Variants in HHLA2 observed in about 807,000 individuals in gnomAD.
The protein encoded by HHLA2 is HERV-H LTR-associating protein 2.
A neutral mutation model predicts 45.9 loss-of-function variants in HHLA2; 48 were observed. That is an observed-to-expected ratio of 1.05 (90% CI 0.83 to 1.33). HHLA2 has a LOEUF of 1.33. Ranked by LOEUF, HHLA2 falls within the 40% of genes most tolerant of loss-of-function variation. The probability of loss-of-function intolerance (pLI) is 0.00; values close to 1 mark genes in which losing one functional copy is unlikely to be tolerated. For missense variants in HHLA2, 462 were observed against 494.3 expected, an observed-to-expected ratio of 0.93 and a Z score of 0.62; for synonymous variants, 161 against 173.9, an observed-to-expected ratio of 0.93 and a Z score of 0.59.
chr3:108,377,440 A>G (rs1367275155), exon 11 of HHLA2: 4 of 607,396 alleles, frequency 6.6e-6, no homozygotes, highest in Non-Finnish European at 1.2e-5. Flanking sequence ...TTTATTTTTC[A>G]AGACATACTT....
intron 2 of HHLA2, among the ~76,000 whole-genome samples, chr3:108,321,877 C>T (rs1012944504): frequency 6.6e-6 from 1 of 152,086 alleles, no homozygotes; most frequent in African/African-American, 2.4e-5. Context: ...CTGTTAATGA[C>T]TTCTGCTCTT....
At chr3:108,326,430 T>A (rs1365807934) in intron 2 of HHLA2, among the ~76,000 whole-genome samples, 1 of 152,074 alleles carries the variant, frequency 6.6e-6, no homozygotes, top group African/African-American at 2.4e-5. Flanking sequence ...TACAAAACCA[T>A]CAGATCTCCT....
At chr3:108,366,105 G>C (rs1362447801) in intron 8 of HHLA2, among the ~76,000 whole-genome samples, 1 of 152,164 alleles carries the variant, frequency 6.6e-6, no homozygotes, top group East Asian at 1.9e-4. Context: ...GTATGATATT[G>C]GCTATGGGTT....
intron 1 of HHLA2, among the ~76,000 whole-genome samples, chr3:108,299,043 C>T (rs1576082237): frequency 6.6e-6 from 1 of 152,194 alleles, no homozygotes; most frequent in East Asian, 1.9e-4. Context: ...TCACCAAGAA[C>T]ACCTTCTGAA....
chr3:108,328,706 T>C (rs1576124960), intron 3 of HHLA2, among the ~76,000 whole-genome samples: 1 of 152,178 alleles, frequency 6.6e-6, no homozygotes. Flanking sequence ...TTTTACTTTG[T>C]CTTATGACTA....
At chr3:108,362,665 C>T (rs939083543) in intron 8 of HHLA2, among the ~76,000 whole-genome samples, 86 of 152,294 alleles carry the variant, frequency 5.6e-4, no homozygotes, top group African/African-American at 2.0e-3. Flanking sequence ...AGCAGAGGTA[C>T]ACCAAACTAT....
intron 3 of HHLA2, among the ~76,000 whole-genome samples, chr3:108,350,712 T>C (rs1377737463): frequency 1.3e-5 from 2 of 152,066 alleles, no homozygotes; most frequent in African/African-American, 4.8e-5. Context: ...TGAGACAGAG[T>C]CTCACTGTCT....
At chr3:108,350,908 C>T (rs1000223071) in intron 3 of HHLA2, among the ~76,000 whole-genome samples, 3 of 151,836 alleles carry the variant, frequency 2.0e-5, no homozygotes, top group African/African-American at 7.3e-5. Context: ...TGGTCTTGAA[C>T]TCCTGACCTC....
chr3:108,374,674 T>C (rs2082241041), intron 8 of HHLA2, among the ~76,000 whole-genome samples: 1 of 150,256 alleles, frequency 6.7e-6, no homozygotes, highest in Admixed American at 6.6e-5. Flanking sequence ...GCAAAGGATA[T>C]GAACAGACAC....
intron 3 of HHLA2, among the ~76,000 whole-genome samples, chr3:108,336,180 A>G (rs1221535643): frequency 6.6e-6 from 1 of 152,168 alleles, no homozygotes; most frequent in Non-Finnish European, 1.5e-5. Flanking sequence ...TCACTGTTTT[A>G]TGTTCCCTAT....
chr3:108,338,849 A>G (rs553340085), intron 3 of HHLA2, among the ~76,000 whole-genome samples: 1 of 152,300 alleles, frequency 6.6e-6, no homozygotes, highest in African/African-American at 2.4e-5. Flanking sequence ...GTTGTCCTGG[A>G]GGCAGGATTT....
chr3:108,359,183 A>G (rs1274676837), intron 7 of HHLA2, among the ~76,000 whole-genome samples: 1 of 152,176 alleles, frequency 6.6e-6, no homozygotes, highest in East Asian at 1.9e-4. Context: ...GGAGTGTAAA[A>G]AAAAAAATAG....
intron 2 of HHLA2, among the ~76,000 whole-genome samples, chr3:108,313,822 C>T (rs533659934): frequency 3.3e-5 from 5 of 152,168 alleles, no homozygotes; most frequent in Non-Finnish European, 7.3e-5. Context: ...TGACCTTGGG[C>T]AAGTCAGTCC....
intron 8 of HHLA2, among the ~76,000 whole-genome samples, chr3:108,364,079 A>G (rs2082024611): frequency 6.6e-6 from 1 of 151,962 alleles, no homozygotes; most frequent in South Asian, 2.1e-4. Flanking sequence ...GCACCTATCA[A>G]CCTGTCATCT....
At chr3:108,323,355 A>G (rs1465112877) in intron 2 of HHLA2, among the ~76,000 whole-genome samples, 1 of 152,174 alleles carries the variant, frequency 6.6e-6, no homozygotes, top group Non-Finnish European at 1.5e-5. Flanking sequence ...TTTCACATGC[A>G]TGCCTGTATC....
At position 108,299,762 on chromosome 3, in the gene HHLA2, C is replaced by T. The variant is rs139546235; in HGVS notation, c.-192+3163C>T. ...CATAAAGGTACAAATTATACTCTAACTCAACCTTATATGCCCTATCCAGCT... is the reference window on the plus strand; with the variant it reads ...CATAAAGGTACAAATTATACTCTAATTCAACCTTATATGCCCTATCCAGCT... On this transcript the variant is annotated intron_variant, in intron 1 of 10. Coordinates refer to ENST00000619531, the Ensembl canonical transcript of HHLA2. Among the ~76,000 whole-genome samples, 257 of 152,272 alleles carry T rather than the reference C, an allele frequency of 1.7e-3. 1 individual carries two copies. Among genetic ancestry groups the T allele is most frequent in the Middle Eastern group, 3.4e-3 (1 of 294 alleles).
At chr3:108,366,932 G>A (rs751865273) in intron 8 of HHLA2, among the ~76,000 whole-genome samples, 14 of 151,840 alleles carry the variant, frequency 9.2e-5, no homozygotes, top group Non-Finnish European at 1.9e-4. Flanking sequence ...CTCCTGGGTT[G>A]ACAGACACCT....
At position 108,322,821 on chromosome 3, in the gene HHLA2, G is replaced by C. The variant is rs138286627; in HGVS notation, c.-104-5449G>C. Among the ~76,000 whole-genome samples the C allele has an allele frequency of 1.7e-3, 256 of 152,248 alleles. 1 individual carries two copies. Among genetic ancestry groups the C allele is most frequent in the Middle Eastern group, 3.4e-3 (1 of 294 alleles). On this transcript the variant is annotated intron_variant, in intron 2 of 10. Transcript: ENST00000619531. ...GGAGGGGTTCATCCCACCTGCATTG[G>C]ATGGCTGTAAGAAATAGCTTTCCTA...
intron 3 of HHLA2, among the ~76,000 whole-genome samples, chr3:108,334,324 CA>C (rs1322565411): frequency 4.6e-5 from 7 of 152,078 alleles, no homozygotes; most frequent in Non-Finnish European, 1.0e-4. Context: ...AAACAAAACC[CA>C]AAACTTTCAT....
Sources: allele counts gnomAD v4.1 joint callset (sites outside exome capture counted in the v4.1 genomes callset), GRCh38; gene constraint gnomAD v4.1.1; transcripts MANE v1.5; gene names NCBI Gene and HGNC (gene_info 2026-07-23, HGNC 2026-07-21).